TMEM238L: variants seen among roughly 807,000 people sequenced by gnomAD.
The protein encoded by TMEM238L is transmembrane protein 238 like, also known as transmembrane protein 238-like.
intron 1 of TMEM238L, among the ~76,000 whole-genome samples, chr17:10,802,896 G>C (rs1904789785): frequency 6.6e-6 from 1 of 152,232 alleles, no homozygotes; most frequent in Admixed American, 6.5e-5. Context: ...GCTGTGACAT[G>C]CAACTCAGCG....
chr17:10,797,644 TC>T (rs1396290782), intron 1 of TMEM238L, among the ~76,000 whole-genome samples: 1 of 152,164 alleles, frequency 6.6e-6, no homozygotes, highest in Non-Finnish European at 1.5e-5. Context: ...CATGCCTTTT[TC>T]TGACCTCCCT....
At chr17:10,803,616 C>T (rs984095616) in exon 1 of TMEM238L, 6 of 397,298 alleles carry the variant, frequency 1.5e-5, no homozygotes, top group East Asian at 3.6e-5. Flanking sequence ...CTGGTCCCGG[C>T]GTGGCTTGCT....
intron 1 of TMEM238L, among the ~76,000 whole-genome samples, chr17:10,798,582 G>A (rs1039258833): frequency 6.6e-6 from 1 of 152,140 alleles, no homozygotes; most frequent in African/African-American, 2.4e-5. Context: ...TTTTGGCTTT[G>A]GTTGGTGTGA....
intron 1 of TMEM238L, among the ~76,000 whole-genome samples, chr17:10,798,998 A>G (rs775481802): frequency 2.0e-5 from 3 of 152,010 alleles, no homozygotes; most frequent in Admixed American, 2.0e-4. Flanking sequence ...CAGTTGATCT[A>G]TAAAAATCAG....
intron 1 of TMEM238L, among the ~76,000 whole-genome samples, chr17:10,798,374 T>C (rs1423543073): frequency 6.6e-6 from 1 of 152,150 alleles, no homozygotes; most frequent in African/African-American, 2.4e-5. Flanking sequence ...TGTTTGCTCC[T>C]CCACACAGCC....
chr17:10,804,027 G>T, exon 1 of TMEM238L: 1 of 401,748 alleles, frequency 2.5e-6, no homozygotes, highest in Non-Finnish European at 4.4e-6. Flanking sequence ...GGAGGGTGGC[G>T]GTCCTGCCTG....
chr17:10,795,937 A>G (rs1445122284), exon 2 of TMEM238L: 1 of 152,270 alleles, frequency 6.6e-6, no homozygotes, highest in Non-Finnish European at 1.5e-5. Flanking sequence ...ATTCTCCTCC[A>G]TCAGATGGGA....
intron 1 of TMEM238L, among the ~76,000 whole-genome samples, chr17:10,800,971 G>A (rs987383027): frequency 6.6e-5 from 10 of 152,066 alleles, no homozygotes; most frequent in African/African-American, 2.2e-4. Context: ...TACTGTGGCC[G>A]GGGTGGTCTC....
intron 1 of TMEM238L, among the ~76,000 whole-genome samples, chr17:10,797,555 A>G (rs1024577578): frequency 6.6e-6 from 1 of 152,096 alleles, no homozygotes; most frequent in East Asian, 1.9e-4. Flanking sequence ...TTCAATGCCA[A>G]TTAGGTAGTT....
At chr17:10,797,412 C>G (rs1421679947) in intron 1 of TMEM238L, among the ~76,000 whole-genome samples, 1 of 125,818 alleles carries the variant, frequency 7.9e-6, no homozygotes, top group African/African-American at 3.0e-5. Flanking sequence ...TCCCTTCCTT[C>G]CTTCCTTCCT....
Position 10,803,354 on chromosome 17 carries a change from A to G in TMEM238L, c.*118+252T>C, listed in dbSNP as rs187113191. Among the ~76,000 whole-genome samples the G allele has an allele frequency of 9.4e-3, 1,438 of 152,232 alleles. 12 individuals carry two copies. Among genetic ancestry groups the G allele is most frequent in the Non-Finnish European group, 0.017 (1,148 of 67,990 alleles). Reference sequence around the variant, plus strand: ...CCCAGAAGCCAGGATCATTCGTGGTATATCAGGGGTGGAAGGGGCTGTTGA... The same window carrying G: ...CCCAGAAGCCAGGATCATTCGTGGTGTATCAGGGGTGGAAGGGGCTGTTGA... On this transcript the variant is annotated intron_variant, in intron 1 of 1. Transcript: ENST00000581851.
rs976578580 is a variant in TMEM238L at position 10,803,600 on chromosome 17, A to G, written c.*118+6T>C. 2.5e-6 allele frequency: 1 copy of G among 396,882 alleles called. No individual in the cohort carries two copies. The highest frequency in any genetic ancestry group is 4.4e-6 in the Non-Finnish European group (1 of 225,408). 24.6% of individuals were successfully genotyped at this position (396,882 alleles called of 1,614,324 possible). A position where few individuals can be genotyped will look rare whatever the true frequency, so the allele number is the denominator to read the frequency against. On this transcript the variant is annotated splice_donor_region_variant and intron_variant, in intron 1 of 1. Coordinates refer to ENST00000581851, the Ensembl canonical transcript of TMEM238L. ...ACCCTGCCAGGTAGGTCTTGTGTGC[A>G]CTCACCTGGTCCCGGCGTGGCTTGC...
At chr17:10,799,516 G>A (rs1320606823) in intron 1 of TMEM238L, among the ~76,000 whole-genome samples, 1 of 152,158 alleles carries the variant, frequency 6.6e-6, no homozygotes, top group African/African-American at 2.4e-5. Flanking sequence ...ATCTTACAGA[G>A]CCTCTGAAGG....
rs553116451 is a variant in TMEM238L, at chr17:10,799,986, C to T, written c.*118+3620G>A. On this transcript the variant is annotated intron_variant, in intron 1 of 1. Transcript: ENST00000581851. ...TGGCTCTGTCGCCCAGGCTGGAGTG[C>T]AGTGGCGTGATCTCGGCTCACTGCA... 2.0e-5 allele frequency among the ~76,000 whole-genome samples: 3 copies of T among 151,172 alleles called. No homozygotes were observed. The East Asian group carries it at 5.8e-4, about 29-fold the overall frequency.
chr17:10,801,049 T>C (rs568747589), intron 1 of TMEM238L, among the ~76,000 whole-genome samples: 1 of 150,130 alleles, frequency 6.7e-6, no homozygotes, highest in South Asian at 2.2e-4. Flanking sequence ...GATTCCTTTT[T>C]ACTGTTTTTT....
At chr17:10,800,179 G>A (rs552180808) in intron 1 of TMEM238L, among the ~76,000 whole-genome samples, 44 of 152,154 alleles carry the variant, frequency 2.9e-4, no homozygotes, top group African/African-American at 8.9e-4. Flanking sequence ...TGATCCGCCC[G>A]CCTCAGCCTC....
intron 1 of TMEM238L, chr17:10,802,374 C>G (rs1383374867): frequency 6.6e-6 from 1 of 152,174 alleles, no homozygotes; most frequent in Non-Finnish European, 1.5e-5. Context: ...CAATAAGGGC[C>G]AGAAATATTC....
exon 1 of TMEM238L, chr17:10,803,917 G>A (rs538146098): frequency 4.0e-5 from 16 of 399,464 alleles, no homozygotes; most frequent in South Asian, 3.8e-4. Context: ...GAGGAAGAGC[G>A]CACAGCGCCC....
At chr17:10,801,956 T>G (rs2057256219) in intron 1 of TMEM238L, among the ~76,000 whole-genome samples, 1 of 152,142 alleles carries the variant, frequency 6.6e-6, no homozygotes, top group African/African-American at 2.4e-5. Flanking sequence ...TAATTTTTTG[T>G]ATTTTTGGTG....
Sources: allele counts gnomAD v4.1 joint callset (sites outside exome capture counted in the v4.1 genomes callset), GRCh38; gene constraint gnomAD v4.1.1; transcripts MANE v1.5; gene names NCBI Gene and HGNC (gene_info 2026-07-23, HGNC 2026-07-21).